TRIOBP: variants seen among roughly 807,000 people sequenced by gnomAD.
The protein encoded by TRIOBP is TRIO and F-actin-binding protein.
A neutral mutation model predicts 238.8 loss-of-function variants in TRIOBP; 169 were observed. That is an observed-to-expected ratio of 0.71 (90% CI 0.62 to 0.80). TRIOBP has a LOEUF of 0.80. Ranked by LOEUF, TRIOBP falls within the 30% of genes least tolerant of loss-of-function variation. The pLI is 0.00. For missense variants in TRIOBP, 2,838 were observed against 3,122.6 expected, an observed-to-expected ratio of 0.91 and a Z score of 2.17; for synonymous variants, 1,150 against 1,274.4, an observed-to-expected ratio of 0.90 and a Z score of 2.08.
Position 37,758,193 on chromosome 22 carries a change from C to A in TRIOBP, c.6213+55C>A, listed in dbSNP as rs529751606. The A allele has an allele frequency of 4.4e-5, 70 of 1,598,140 alleles. No homozygotes were observed. The African/African-American group carries it at 7.4e-4, about 17-fold the overall frequency. On this transcript the variant is annotated intron_variant, in intron 16 of 23. Transcript: ENST00000644935. The stretch of plus-strand genomic sequence containing the variant: ...CCCCTTGCCCCAGCGCCCCTCCAGT[C>A]CCTGCATTCATGCCCTGGCATTTGT...
intron 22 of TRIOBP, 42 bp from the exon 23 acceptor site, chr22:37,772,559 G>C: frequency 6.2e-7 from 1 of 1,613,464 alleles, no homozygotes; most frequent in Non-Finnish European, 8.5e-7. Context: ...CAGGGCTGGA[G>C]GGAGAGACTT....
chr22:37,715,167 AC>A (rs1397628559), intron 5 of TRIOBP, among the ~76,000 whole-genome samples: 1 of 151,694 alleles, frequency 6.6e-6, no homozygotes, highest in African/African-American at 2.4e-5. Context: ...GGCGCCCACC[AC>A]TATGCCTGGC....
At chr22:37,709,999 AC>A (rs1241639942) in intron 3 of TRIOBP, among the ~76,000 whole-genome samples, 3 of 151,526 alleles carry the variant, frequency 2.0e-5, no homozygotes, top group Non-Finnish European at 2.9e-5. Context: ...GCCGCAAAAG[AC>A]CCTGGTGGAT....
rs530272585 is a variant in TRIOBP at position 37,725,569 on chromosome 22, A to G, written c.3013A>G (p.Thr1005Ala). The G allele has an allele frequency of 2.5e-6, 4 of 1,613,320 alleles. No individual in the cohort carries two copies. The South Asian group carries it at 4.4e-5, about 18-fold the overall frequency. Reference sequence around the variant, plus strand: ...CCCCGCTGCCTATGGGGCTCCCCTGACCTCTCCTGAGCCCTCCCAGCCTCC... The same window carrying G: ...CCCCGCTGCCTATGGGGCTCCCCTGGCCTCTCCTGAGCCCTCCCAGCCTCC... ...VYPAAYGAPL[T>A]SPEPSQPPCA... The change falls in exon 7 of 24, where the codon ACC becomes GCC. Residue 1005 changes from threonine to alanine, a missense_variant. Thr to Ala is a moderately conservative substitution (Grantham distance 58). Coordinates refer to ENST00000644935, the MANE Select transcript of TRIOBP (RefSeq NM_001039141.3).
intron 11 of TRIOBP, among the ~76,000 whole-genome samples, chr22:37,741,981 G>A (rs932619408): frequency 3.3e-5 from 5 of 152,066 alleles, no homozygotes; most frequent in Admixed American, 1.3e-4. Context: ...AAATTAAGAC[G>A]GAGTCTCGCT....
rs773270661 is a variant in TRIOBP, at chr22:37,771,760, G to T, written c.6936+24G>T. On this transcript the variant is annotated intron_variant, in intron 22 of 23. Transcript: ENST00000644935. ...AGGTAGGTCCTTCCGCTGGGCTGGGGGCCGTCGGGGACTCTGGAGCCATCT... is the reference window on the plus strand; with the variant it reads ...AGGTAGGTCCTTCCGCTGGGCTGGGTGCCGTCGGGGACTCTGGAGCCATCT... 8.1e-6 allele frequency: 13 copies of T among 1,611,684 alleles called. No homozygotes were observed. The East Asian group carries it at 2.0e-4, about 25-fold the overall frequency.
intron 23 of TRIOBP, among the ~76,000 whole-genome samples, chr22:37,773,241 A>G (rs1250248275): frequency 6.6e-6 from 1 of 151,750 alleles, no homozygotes; most frequent in East Asian, 1.9e-4. Context: ...TTGCTTTGAG[A>G]AAGGTCTTAC....
chr22:37,730,805 G>A (rs1371376033), intron 7 of TRIOBP, among the ~76,000 whole-genome samples: 2 of 152,020 alleles, frequency 1.3e-5, no homozygotes, highest in East Asian at 3.9e-4. Context: ...AAATTAGCTG[G>A]GCATGGTGGT....
intron 15 of TRIOBP, 64 bp from the exon 16 acceptor site, chr22:37,757,549 A>T: frequency 6.5e-7 from 1 of 1,538,018 alleles, no homozygotes; most frequent in South Asian, 1.2e-5. Flanking sequence ...TGTCGCTCCA[A>T]AAGTGCTCAT....
Position 37,759,190 on chromosome 22 carries a change from C to G in TRIOBP, c.6250C>G (p.Leu2084Val). The change falls in exon 17 of 24, where the codon CTC becomes GTC. Residue 2084 changes from leucine (L) to valine (V), a missense_variant. Leu to Val is a conservative substitution (Grantham distance 32, BLOSUM62 1). This residue lies in a region of TRIOBP where 2,096 missense variants were observed against 2,137.4 expected (regional missense o/e 0.98). Transcript: ENST00000644935. ...TCGGGCCCAGCTGGAGGCGTGGCGT[C>G]TCCAAGGGGAGGCTCCTCAGAGTGC... ...ALRAQLEAWRLQGEAPQSALR... is the reference protein window; with the variant it reads ...ALRAQLEAWRVQGEAPQSALR... The G allele has an allele frequency of 1.2e-6, 2 of 1,613,026 alleles. No individual in the cohort carries two copies. Among genetic ancestry groups the G allele is most frequent in the Non-Finnish European group, 1.7e-6 (2 of 1,180,000 alleles).
In TRIOBP at chr22:37,772,736, T is replaced by C; in HGVS notation, c.7072T>C (p.Ser2358Pro). 3 of 1,612,238 alleles carry C rather than the reference T, an allele frequency of 1.9e-6. No homozygotes were observed. The highest frequency in any genetic ancestry group is 2.5e-6 in the Non-Finnish European group (3 of 1,179,580). The change falls in exon 23 of 24, where the codon TCG becomes CCG. Residue 2358 changes from serine (S) to proline (P), a missense_variant. By Grantham distance (74) the Ser-to-Pro change is moderately conservative. This residue lies in a region of TRIOBP where 2,096 missense variants were observed against 2,137.4 expected (regional missense o/e 0.98). Coordinates refer to ENST00000644935, the MANE Select transcript of TRIOBP (RefSeq NM_001039141.3). ...CATGGCCGCCCTCCAGGAGAAGGAG[T>C]CGATGCGCAACAGCCTGGCTGAGTA... is the stretch of plus-strand genomic sequence containing the variant. The part of the protein sequence containing the change: ...LAMAALQEKE[S>P]MRNSLAE
At chr22:37,729,190 T>C (rs939510804) in intron 7 of TRIOBP, among the ~76,000 whole-genome samples, 4 of 151,088 alleles carry the variant, frequency 2.6e-5, no homozygotes, top group African/African-American at 9.7e-5. Context: ...AGTGCTGGGA[T>C]TATAGGCGTG....
intron 6 of TRIOBP, among the ~76,000 whole-genome samples, chr22:37,719,038 G>T (rs1478629101): frequency 6.6e-6 from 1 of 151,076 alleles, no homozygotes; most frequent in East Asian, 2.0e-4. Flanking sequence ...AGTAGAGACA[G>T]GGTTTCACCA....
At position 37,718,660 on chromosome 22, in the gene TRIOBP, C is replaced by T. The variant is rs541593044; in HGVS notation, c.628+2726C>T. On this transcript the variant is annotated intron_variant, in intron 6 of 23. Transcript: ENST00000644935. ...AACCCCAGTGAAACATCAGACAAAC[C>T]CGAATTGAAAGACATTCTGCAAAAT... Among the ~76,000 whole-genome samples the T allele has an allele frequency of 1.4e-4, 22 of 152,106 alleles. 3 individuals are homozygous for T. The South Asian group carries it at 4.4e-3, about 30-fold the overall frequency.
Position 37,726,468 on chromosome 22 carries a change from T to C in TRIOBP, c.3912T>C (p.Arg1304=), listed in dbSNP as rs2145835934. Residue 1304 remains arginine (R), a synonymous_variant, in exon 7 of 24, where the codon CGT becomes CGC. Transcript: ENST00000644935. ...GGGGCCGCACCCACAGCCCTGGCCG[T>C]GCAGAGGTGGAGCGCCTCTTCGGGC... ...SSGGRTHSPG[R]AEVERLFGQE... The C allele has an allele frequency of 6.4e-7, 1 of 1,550,918 alleles. No individual in the cohort carries two copies. Among genetic ancestry groups the C allele is most frequent in the South Asian group, 1.2e-5 (1 of 85,258 alleles).
intron 6 of TRIOBP, among the ~76,000 whole-genome samples, chr22:37,717,741 C>G (rs1361722459): frequency 6.6e-6 from 1 of 152,268 alleles, no homozygotes; most frequent in Non-Finnish European, 1.5e-5. Context: ...AAAGGTTCTC[C>G]AAGTTCCCAC....
At chr22:37,763,548 G>A (rs1926343402) in intron 17 of TRIOBP, among the ~76,000 whole-genome samples, 1 of 152,114 alleles carries the variant, frequency 6.6e-6, no homozygotes, top group African/African-American at 2.4e-5. Flanking sequence ...CTGGTCCTCT[G>A]TGCCTTAGTT....
At position 37,765,827 on chromosome 22, in the gene TRIOBP, C is replaced by G. The variant is rs369182277; in HGVS notation, c.6472+10C>G. 6.6e-7 allele frequency: 1 copy of G among 1,509,134 alleles called. No individual in the cohort carries two copies. Among genetic ancestry groups the G allele is most frequent in the African/African-American group, 2.2e-5 (1 of 45,490 alleles). The allele number at this position is 1,509,134 out of a possible 1,614,324, so 93.5% of individuals were successfully genotyped here. A position where few individuals can be genotyped will look rare whatever the true frequency, so the allele number is the denominator to read the frequency against. ...GCAGCCACGGCCTCAGGTATGGACC[C>G]TGGGGGGGGCACAGTGGGCTGGGCT... On this transcript the variant is annotated intron_variant, in intron 18 of 23. Coordinates refer to ENST00000644935, the MANE Select transcript of TRIOBP (RefSeq NM_001039141.3).
chr22:37,765,428 C>T (rs1261157523), intron 17 of TRIOBP, among the ~76,000 whole-genome samples: 2 of 147,838 alleles, frequency 1.4e-5, no homozygotes, highest in African/African-American at 2.5e-5. Context: ...GCCATGGGAA[C>T]GGGGACTTGA....
Sources: gnomAD v4.1 joint callset for allele counts (sites outside exome capture counted in the v4.1 genomes callset) on GRCh38, gnomAD v4.1.1 for gene constraint, gnomAD v4.1.1 regional missense constraint, MANE v1.5 for transcripts, NCBI Gene and HGNC (gene_info 2026-07-23, HGNC 2026-07-21) for gene names.